Variants in SGCD observed in about 807,000 individuals in gnomAD.
SGCD encodes the protein sarcoglycan delta.
SGCD carries 18 observed loss-of-function variants against 36.6 expected under a neutral mutation model. That is an observed-to-expected ratio of 0.49 (90% CI 0.34 to 0.73). SGCD has a LOEUF of 0.73. Ranked by LOEUF, SGCD falls within the 30% of genes least tolerant of loss-of-function variation. SGCD has a pLI of 0.01. For synonymous variants in SGCD, 133 were observed against 130.6 expected (o/e 1.02, Z -0.12); for missense variants, 387 against 346.7 (o/e 1.12, Z -0.92).
intron 3 of SGCD, among the ~76,000 whole-genome samples, chr5:156,301,332 CTACTT>C (rs1160689824): frequency 6.6e-6 from 1 of 151,994 alleles, no homozygotes; most frequent in African/African-American, 2.4e-5. Context: ...AAACTGATGA[CTACTT>C]AATGATTACT....
intron 3 of SGCD, among the ~76,000 whole-genome samples, chr5:156,191,974 A>G (rs999981197): frequency 5.9e-5 from 9 of 152,194 alleles, no homozygotes; most frequent in African/African-American, 2.2e-4. Context: ...AAAATGAATC[A>G]TGATGATTGA....
chr5:156,431,711 T>A (rs552301119), intron 3 of SGCD, among the ~76,000 whole-genome samples: 1 of 151,644 alleles, frequency 6.6e-6, no homozygotes, highest in Non-Finnish European at 1.5e-5. Flanking sequence ...GATTGTTTTG[T>A]TTTTTGTTTT....
chr5:155,800,678 C>G, the SGCD span, among the ~76,000 whole-genome samples: 7 of 151,960 alleles, frequency 4.6e-5, no homozygotes, highest in African/African-American at 1.2e-4. Context: ...ACTCCCAAGC[C>G]CTTTCAATTT....
intron 3 of SGCD, among the ~76,000 whole-genome samples, chr5:156,285,004 T>C (rs1766555420): frequency 6.6e-6 from 1 of 152,114 alleles, no homozygotes; most frequent in Non-Finnish European, 1.5e-5. Context: ...TGTGCAAAAA[T>C]CACAAGCATT....
At chr5:156,579,008 T>G (rs928962314) in intron 4 of SGCD, among the ~76,000 whole-genome samples, 1 of 152,226 alleles carries the variant, frequency 6.6e-6, no homozygotes, top group Non-Finnish European at 1.5e-5. Context: ...GGTGTTAGGG[T>G]GTCGATTTTA....
chr5:156,253,906 A>G (rs1286693594), intron 3 of SGCD, among the ~76,000 whole-genome samples: 2 of 152,226 alleles, frequency 1.3e-5, no homozygotes, highest in Non-Finnish European at 2.9e-5. Flanking sequence ...TTGGAATGTT[A>G]AGTTGATTAT....
intron 3 of SGCD, among the ~76,000 whole-genome samples, chr5:156,293,534 T>C (rs1486655581): frequency 6.6e-6 from 1 of 152,182 alleles, no homozygotes; most frequent in African/African-American, 2.4e-5. Context: ...TTCTTTTGCA[T>C]GTGGATGTCC....
At chr5:156,123,833 G>T (rs1762107857) in intron 2 of SGCD, 1 of 152,002 alleles carries the variant, frequency 6.6e-6, no homozygotes, top group African/African-American at 2.4e-5. Flanking sequence ...TATGGACATT[G>T]TCTTTCTCTG....
chr5:155,958,590 C>T (rs1757715392), intron 1 of SGCD, among the ~76,000 whole-genome samples: 1 of 152,074 alleles, frequency 6.6e-6, no homozygotes. Flanking sequence ...CTAATATAGA[C>T]AGAGAGTGAG....
intron 3 of SGCD, among the ~76,000 whole-genome samples, chr5:156,222,129 C>T (rs940662350): frequency 6.6e-6 from 1 of 151,958 alleles, no homozygotes; most frequent in African/African-American, 2.4e-5. Flanking sequence ...TTTTCATTAA[C>T]AAAATAGAAG....
chr5:155,802,409 C>T, the SGCD span, among the ~76,000 whole-genome samples: 27 of 152,148 alleles, frequency 1.8e-4, no homozygotes, highest in Admixed American at 1.6e-3. Context: ...TACATAGTAA[C>T]GAATTCTACC....
intron 1 of SGCD, among the ~76,000 whole-genome samples, chr5:155,994,997 C>T (rs1256681756): frequency 2.0e-5 from 3 of 152,260 alleles, no homozygotes; most frequent in South Asian, 4.2e-4. Context: ...GTCGTCTGTC[C>T]GTGTACCCAA....
chr5:155,763,867 C>CTT, the SGCD span, among the ~76,000 whole-genome samples: 2 of 91,040 alleles, frequency 2.2e-5, no homozygotes, highest in Non-Finnish European at 4.9e-5. Context: ...ATATACCTCT[C>CTT]TCTCTCTCTC....
At chr5:156,317,706 G>C (rs1461536130) in intron 3 of SGCD, among the ~76,000 whole-genome samples, 1 of 152,140 alleles carries the variant, frequency 6.6e-6, no homozygotes, top group Non-Finnish European at 1.5e-5. Context: ...AAATTGTGTT[G>C]ATACTAATCA....
At chr5:156,411,555 C>T (rs1234862786) in intron 3 of SGCD, among the ~76,000 whole-genome samples, 11 of 152,182 alleles carry the variant, frequency 7.2e-5, no homozygotes, top group Admixed American at 7.2e-4. Context: ...GTATGCTTTG[C>T]GATCTTTGGC....
chr5:156,625,908 G>C (rs1258826588), intron 6 of SGCD, among the ~76,000 whole-genome samples: 1 of 152,098 alleles, frequency 6.6e-6, no homozygotes, highest in Non-Finnish European at 1.5e-5. Context: ...TGGAAGCGGG[G>C]GTATGTTACA....
chr5:155,971,450 A>G (rs1262679932), intron 1 of SGCD, among the ~76,000 whole-genome samples: 2 of 152,126 alleles, frequency 1.3e-5, no homozygotes, highest in Non-Finnish European at 2.9e-5. Flanking sequence ...TTTTATTCCC[A>G]TATAGCTGAT....
the SGCD span, among the ~76,000 whole-genome samples, chr5:155,824,130 C>T: frequency 6.6e-6 from 1 of 152,180 alleles, no homozygotes; most frequent in East Asian, 1.9e-4. Context: ...ATAGGCATCC[C>T]ATCTTGAAGA....
intron 1 of SGCD, among the ~76,000 whole-genome samples, chr5:156,105,523 AAATTT>A (rs1761624181): frequency 6.6e-6 from 1 of 152,218 alleles, no homozygotes; most frequent in Non-Finnish European, 1.5e-5. Context: ...CATTCTAGCC[AAATTT>A]AAATCAAGCA....
Sources: gnomAD v4.1 joint callset for allele counts (sites outside exome capture counted in the v4.1 genomes callset) on GRCh38, gnomAD v4.1.1 for gene constraint, MANE v1.5 for transcripts, NCBI Gene and HGNC (gene_info 2026-07-23, HGNC 2026-07-21) for gene names.